BNC2: variants seen among roughly 807,000 people sequenced by gnomAD.
BNC2 encodes zinc finger protein basonuclin-2.
BNC2 carries 20 observed loss-of-function variants against 76.3 expected under a neutral mutation model. That is an observed-to-expected ratio of 0.26 (90% CI 0.18 to 0.38). The LOEUF is 0.38. Ranked by LOEUF, BNC2 falls within the 10% of genes least tolerant of loss-of-function variation. The pLI, the probability that BNC2 is intolerant of heterozygous loss-of-function variation, is 1.00. For missense variants in BNC2, 1,382 were observed against 1,399.8 expected, an observed-to-expected ratio of 0.99 and a Z score of 0.20; for synonymous variants, 582 against 514.8, an observed-to-expected ratio of 1.13 and a Z score of -1.77.
chr9:16,697,626 G>C (rs1823378438), intron 3 of BNC2, among the ~76,000 whole-genome samples: 1 of 151,426 alleles, frequency 6.6e-6, no homozygotes, highest in African/African-American at 2.4e-5. Context: ...GAGGCTAAGA[G>C]GCACAAGAAT....
At chr9:16,629,663 AT>A (rs202237491) in intron 3 of BNC2, among the ~76,000 whole-genome samples, 21 of 151,640 alleles carry the variant, frequency 1.4e-4, no homozygotes, top group African/African-American at 3.9e-4. Flanking sequence ...AAGTCACATG[AT>A]TTTTTTTTGG....
chr9:16,849,332 C>A (rs532862208), intron 1 of BNC2, among the ~76,000 whole-genome samples: 1 of 147,262 alleles, frequency 6.8e-6, no homozygotes, highest in East Asian at 2.0e-4. Flanking sequence ...ATTCCTAGAT[C>A]TGCAGATTCC....
At chr9:16,729,943 T>A (rs549915818) in intron 2 of BNC2, among the ~76,000 whole-genome samples, 1 of 152,186 alleles carries the variant, frequency 6.6e-6, no homozygotes, top group South Asian at 2.1e-4. Context: ...TTGTATCGCT[T>A]TGCCTGTGTG....
intron 1 of BNC2, among the ~76,000 whole-genome samples, chr9:16,846,892 T>C (rs1818995938): frequency 6.6e-6 from 1 of 152,196 alleles, no homozygotes; most frequent in African/African-American, 2.4e-5. Flanking sequence ...ACAGATGAAA[T>C]ATCTCAGTCA....
intron 1 of BNC2, among the ~76,000 whole-genome samples, chr9:16,820,488 T>C (rs1256966357): frequency 1.3e-5 from 2 of 151,914 alleles, no homozygotes; most frequent in African/African-American, 2.4e-5. Context: ...GTTATATTGC[T>C]AGGAAGCAGA....
At chr9:16,606,476 G>A (rs117454411) in intron 3 of BNC2, among the ~76,000 whole-genome samples, 1 of 151,932 alleles carries the variant, frequency 6.6e-6, no homozygotes, top group African/African-American at 2.4e-5. Flanking sequence ...ATCAGGGCAG[G>A]TCTTTCCCAT....
At chr9:16,594,656 T>C (rs185001030) in intron 3 of BNC2, among the ~76,000 whole-genome samples, 8 of 152,288 alleles carry the variant, frequency 5.3e-5, no homozygotes, top group Admixed American at 6.5e-5. Flanking sequence ...ATCCCATGTT[T>C]GTACAGTGCT....
chr9:16,553,718 C>G (rs7022813), intron 4 of BNC2, among the ~76,000 whole-genome samples: 19,380 of 152,168 alleles, frequency 0.13, 1,733 homozygotes, highest in South Asian at 0.27. Context: ...GAAACGCCAT[C>G]TCTTCTCTAG....
At chr9:16,783,672 A>G (rs543014839) in intron 1 of BNC2, among the ~76,000 whole-genome samples, 3 of 152,322 alleles carry the variant, frequency 2.0e-5, no homozygotes, top group African/African-American at 7.2e-5. Context: ...CAGTATCTCT[A>G]TAACAATCTC....
intron 1 of BNC2, among the ~76,000 whole-genome samples, chr9:16,826,973 C>A (rs1251499804): frequency 6.6e-6 from 1 of 152,130 alleles, no homozygotes; most frequent in African/African-American, 2.4e-5. Flanking sequence ...TGCAGAAAAA[C>A]CAAAGGTTAA....
chr9:16,820,122 CAA>C (rs11387388), intron 1 of BNC2, among the ~76,000 whole-genome samples: 8 of 81,760 alleles, frequency 9.8e-5, no homozygotes, highest in East Asian at 6.9e-4. Context: ...GAGACTGTCT[CAA>C]AAAAAAAAAA....
chr9:16,483,427 G>C, intron 5 of BNC2, among the ~76,000 whole-genome samples: 1 of 152,130 alleles, frequency 6.6e-6, no homozygotes, highest in Non-Finnish European at 1.5e-5. Flanking sequence ...CTGCAGGTGG[G>C]CAATCCAGTC....
chr9:16,817,985 T>C (rs1342657641), intron 1 of BNC2, among the ~76,000 whole-genome samples: 1 of 152,128 alleles, frequency 6.6e-6, no homozygotes, highest in Non-Finnish European at 1.5e-5. Context: ...GTTAGTCTAA[T>C]GCCAAGCTAA....
At chr9:16,540,871 C>T (rs992719152) in intron 5 of BNC2, among the ~76,000 whole-genome samples, 3 of 152,194 alleles carry the variant, frequency 2.0e-5, no homozygotes, top group Non-Finnish European at 4.4e-5. Flanking sequence ...CCCCCTGAGA[C>T]ATCTCAGACC....
intron 3 of BNC2, among the ~76,000 whole-genome samples, chr9:16,695,283 AT>A (rs1487985878): frequency 6.6e-6 from 1 of 152,138 alleles, no homozygotes; most frequent in African/African-American, 2.4e-5. Context: ...ACTTAAAATA[AT>A]ACCATTTTCT....
At chr9:16,554,572 G>T (rs1357402757) in intron 4 of BNC2, among the ~76,000 whole-genome samples, 1 of 152,088 alleles carries the variant, frequency 6.6e-6, no homozygotes, top group Non-Finnish European at 1.5e-5. Flanking sequence ...GAAAGATAAG[G>T]GCTTCACAAG....
chr9:16,697,112 G>C (rs1384239470), intron 3 of BNC2, among the ~76,000 whole-genome samples: 1 of 152,016 alleles, frequency 6.6e-6, no homozygotes, highest in Non-Finnish European at 1.5e-5. Flanking sequence ...TGTAATCCCA[G>C]CACTTTGGGA....
At chr9:16,677,193 C>T (rs1418183072) in intron 3 of BNC2, among the ~76,000 whole-genome samples, 1 of 152,192 alleles carries the variant, frequency 6.6e-6, no homozygotes, top group Non-Finnish European at 1.5e-5. Flanking sequence ...GGCACAATCT[C>T]CTTCAATCTG....
chr9:16,822,282 C>T (rs1308725684), intron 1 of BNC2, among the ~76,000 whole-genome samples: 1 of 152,054 alleles, frequency 6.6e-6, no homozygotes, highest in African/African-American at 2.4e-5. Flanking sequence ...TCATACTAGA[C>T]TCTGTTTTCT....
Sources: allele counts gnomAD v4.1 joint callset (sites outside exome capture counted in the v4.1 genomes callset), GRCh38; gene constraint gnomAD v4.1.1; transcripts MANE v1.5; gene names NCBI Gene and HGNC (gene_info 2026-07-23, HGNC 2026-07-21).